The following ARHGEF3 variants were observed in gnomAD, a reference collection of about 807,000 sequenced individuals.
The protein encoded by ARHGEF3 is Rho guanine nucleotide exchange factor 3.
Under a neutral mutation model 63.2 loss-of-function variants are expected in ARHGEF3, and 28 were observed. That is an observed-to-expected ratio of 0.44 (90% CI 0.33 to 0.61). ARHGEF3 has a LOEUF of 0.61. Among genes scored for constraint, ARHGEF3 ranks in the 20% least tolerant of loss-of-function variants. The probability of loss-of-function intolerance (pLI) is 0.03; values close to 1 mark genes in which losing one functional copy is unlikely to be tolerated. For missense variants in ARHGEF3, 533 were observed against 659.3 expected (o/e 0.81, Z 2.10); for synonymous variants, 266 against 254.2 (o/e 1.05, Z -0.44).
chr3:56,904,419 C>T (rs373007608), intron 3 of ARHGEF3, among the ~76,000 whole-genome samples: 40 of 152,310 alleles, frequency 2.6e-4, no homozygotes, highest in African/African-American at 9.6e-4. Context: ...CCCACGTTGG[C>T]CTCCCAAAGT....
chr3:56,747,419 A>G lies in ARHGEF3; in HGVS notation c.613-1957T>C, dbSNP rs575447155. On this transcript the variant is annotated intron_variant, in intron 6 of 9. Transcript: ENST00000296315. ...TTTCCTGGGCATGACCTGAAAGGCT[A>G]TCTGGTTCAGTCACCGGCTAGGAGA... is the stretch of plus-strand genomic sequence containing the variant. 9.2e-5 allele frequency among the ~76,000 whole-genome samples: 14 copies of G among 152,308 alleles called. No homozygotes were observed. The East Asian group carries it at 2.7e-3, about 29-fold the overall frequency.
At chr3:56,793,170 AT>A (rs34139761) in intron 1 of ARHGEF3, among the ~76,000 whole-genome samples, 42,492 of 131,938 alleles carry the variant, frequency 0.32, 6,865 homozygotes, top group Middle Eastern at 0.55. Context: ...GGCCCAGATA[AT>A]TTTTTTTTTT....
intron 3 of ARHGEF3, among the ~76,000 whole-genome samples, chr3:56,897,651 C>A (rs1336028252): frequency 6.6e-6 from 1 of 150,882 alleles, no homozygotes; most frequent in African/African-American, 2.4e-5. Flanking sequence ...ACCTTCACCT[C>A]CTGGGTTCAA....
intron 3 of ARHGEF3, among the ~76,000 whole-genome samples, chr3:56,937,551 C>T (rs970134739): frequency 6.6e-6 from 1 of 152,234 alleles, no homozygotes; most frequent in African/African-American, 2.4e-5. Flanking sequence ...AAATAGCGCA[C>T]AATAAATAAG....
chr3:56,896,420 AATT>A (rs1169622292), intron 3 of ARHGEF3, among the ~76,000 whole-genome samples: 14 of 152,330 alleles, frequency 9.2e-5, no homozygotes, highest in African/African-American at 3.1e-4. Context: ...TACACAGGAT[AATT>A]ATTATCAAAA....
At chr3:56,883,719 C>T (rs1255026334) in intron 3 of ARHGEF3, among the ~76,000 whole-genome samples, 2 of 152,170 alleles carry the variant, frequency 1.3e-5, no homozygotes, top group African/African-American at 2.4e-5. Flanking sequence ...TCTTCAGTCC[C>T]TAACCTGTGA....
At chr3:56,760,772 C>T (rs1359749400) in intron 2 of ARHGEF3, among the ~76,000 whole-genome samples, 1 of 152,112 alleles carries the variant, frequency 6.6e-6, no homozygotes, top group Non-Finnish European at 1.5e-5. Flanking sequence ...GAGATGGGAT[C>T]CAGCTCCTGC....
chr3:56,737,552 C>T (rs1377402636), intron 7 of ARHGEF3, among the ~76,000 whole-genome samples, 197 bp from the exon 8 acceptor site: 1 of 151,386 alleles, frequency 6.6e-6, no homozygotes, highest in African/African-American at 2.4e-5. Context: ...CATCTGTACA[C>T]ATACACACAC....
chr3:56,932,278 G>GA (rs1225584750), intron 3 of ARHGEF3, among the ~76,000 whole-genome samples: 1 of 151,894 alleles, frequency 6.6e-6, no homozygotes, highest in African/African-American at 2.4e-5. Flanking sequence ...AGAAACGTAC[G>GA]AAAGTCAAAA....
chr3:56,817,314 C>T (rs979231230), intron 4 of ARHGEF3, among the ~76,000 whole-genome samples: 2 of 152,056 alleles, frequency 1.3e-5, no homozygotes, highest in Non-Finnish European at 2.9e-5. Flanking sequence ...CCAAACAGAG[C>T]GAGGAGATAA....
At chr3:56,982,896 C>A (rs562211971) in intron 2 of ARHGEF3, among the ~76,000 whole-genome samples, 1 of 152,094 alleles carries the variant, frequency 6.6e-6, no homozygotes, top group Admixed American at 6.5e-5. Flanking sequence ...GCAACCTGAC[C>A]GTCACCCACC....
At chr3:56,745,689 T>G (rs76222048) in intron 6 of ARHGEF3, among the ~76,000 whole-genome samples, 7 of 152,152 alleles carry the variant, frequency 4.6e-5, no homozygotes, top group Non-Finnish European at 1.0e-4. Context: ...TTTTTTTTTT[T>G]GAGACGGAGT....
chr3:56,853,469 T>C (rs575067592), intron 4 of ARHGEF3, among the ~76,000 whole-genome samples: 7 of 152,282 alleles, frequency 4.6e-5, no homozygotes, highest in Non-Finnish European at 1.0e-4. Flanking sequence ...CCCAAGTAGC[T>C]GGGATTACAG....
chr3:56,782,650 A>T (rs1367806563), intron 1 of ARHGEF3, among the ~76,000 whole-genome samples: 4 of 15,562 alleles, frequency 2.6e-4, no homozygotes, highest in Non-Finnish European at 2.9e-4. Flanking sequence ...TTTCCTTCTT[A>T]AAAAAAAAAA....
At chr3:57,028,755 G>T (rs1461031470) in intron 2 of ARHGEF3, among the ~76,000 whole-genome samples, 2 of 151,224 alleles carry the variant, frequency 1.3e-5, no homozygotes, top group Non-Finnish European at 3.0e-5. Flanking sequence ...GTAAAACGGG[G>T]TGAACAATAT....
intron 2 of ARHGEF3, among the ~76,000 whole-genome samples, chr3:56,994,583 C>T (rs757355109): frequency 3.3e-5 from 5 of 151,480 alleles, no homozygotes; most frequent in African/African-American, 4.9e-5. Flanking sequence ...CCACCACCCT[C>T]GCTGAAGAGT....
chr3:57,004,966 A>C (rs1702411657), intron 2 of ARHGEF3, among the ~76,000 whole-genome samples: 1 of 150,400 alleles, frequency 6.6e-6, no homozygotes, highest in East Asian at 1.9e-4. Flanking sequence ...TTTTAAAAAT[A>C]AATAAATATA....
chr3:56,813,462 G>A (rs1324914500), intron 4 of ARHGEF3, among the ~76,000 whole-genome samples: 5 of 152,156 alleles, frequency 3.3e-5, no homozygotes, highest in African/African-American at 9.7e-5. Flanking sequence ...TTTCTCCCCT[G>A]GCTGGGGAGG....
chr3:56,867,291 A>G (rs969270045), intron 4 of ARHGEF3, among the ~76,000 whole-genome samples: 1 of 152,240 alleles, frequency 6.6e-6, no homozygotes, highest in Non-Finnish European at 1.5e-5. Context: ...ACACTGCCCC[A>G]GATGTTGATA....
Sources: gnomAD v4.1 joint callset for allele counts (sites outside exome capture counted in the v4.1 genomes callset) on GRCh38, gnomAD v4.1.1 for gene constraint, MANE v1.5 for transcripts, NCBI Gene and HGNC (gene_info 2026-07-23, HGNC 2026-07-21) for gene names.